AP3S1: variants seen among roughly 807,000 people sequenced by gnomAD.
AP3S1 encodes adaptor related protein complex 3 subunit sigma 1.
AP3S1 carries 12 observed loss-of-function variants against 21.3 expected under a neutral mutation model. The ratio of observed to expected loss-of-function variants is 0.56; its 90% CI spans 0.36 to 0.91. The LOEUF (loss-of-function observed/expected upper bound fraction) is 0.91, where lower values mean the gene tolerates loss of function less well. AP3S1 is among the 40% of genes least tolerant of loss of function. The pLI, the probability that AP3S1 is intolerant of heterozygous loss-of-function variation, is 0.01. For missense variants in AP3S1, 116 were observed against 225.0 expected (o/e 0.52, Z 3.10); for synonymous variants, 48 against 78.4 (o/e 0.61, Z 2.05).
chr5:115,857,324 G>A (rs116034404), intron 1 of AP3S1, among the ~76,000 whole-genome samples: 1,704 of 152,220 alleles, frequency 0.011, 13 homozygotes, highest in Middle Eastern at 0.017. Flanking sequence ...GTATGTACAC[G>A]TATGTATAAA....
At chr5:115,865,500 GGAGA>G (rs1277113666) in intron 1 of AP3S1, among the ~76,000 whole-genome samples, 1 of 152,156 alleles carries the variant, frequency 6.6e-6, no homozygotes, top group African/African-American at 2.4e-5. Context: ...TTAGTATCTA[GGAGA>G]GAAAGTGCTG....
intron 5 of AP3S1, among the ~76,000 whole-genome samples, chr5:115,909,496 A>G (rs917299349): frequency 3.3e-5 from 5 of 152,216 alleles, no homozygotes; most frequent in Non-Finnish European, 7.4e-5. Context: ...GAGAGAAAAC[A>G]TGATCATTCT....
intron 1 of AP3S1, among the ~76,000 whole-genome samples, chr5:115,861,025 T>C (rs1561482353): frequency 1.3e-5 from 2 of 152,224 alleles, no homozygotes; most frequent in African/African-American, 4.8e-5. Context: ...GCCACTTTGC[T>C]GAGCATTTCA....
At chr5:115,897,688 T>C (rs1004048555) in intron 4 of AP3S1, among the ~76,000 whole-genome samples, 5 of 151,928 alleles carry the variant, frequency 3.3e-5, no homozygotes, top group East Asian at 1.9e-4. Flanking sequence ...GCCTCCCGAG[T>C]AGCTGGGACT....
chr5:115,904,854 T>G (rs1455939914), intron 5 of AP3S1, among the ~76,000 whole-genome samples: 1 of 152,226 alleles, frequency 6.6e-6, no homozygotes, highest in East Asian at 1.9e-4. Context: ...GGACAAACAG[T>G]GATGCAATCC....
At chr5:115,844,709 C>T (rs975595231) in intron 1 of AP3S1, among the ~76,000 whole-genome samples, 1 of 152,160 alleles carries the variant, frequency 6.6e-6, no homozygotes, top group African/African-American at 2.4e-5. Flanking sequence ...AATTCAACCC[C>T]TTGTTCTAGG....
Position 115,879,569 on chromosome 5 carries a change from G to A in AP3S1, c.273+9441G>A, listed in dbSNP as rs541179854. Among the ~76,000 whole-genome samples, 28 of 152,264 alleles carry A rather than the reference G, an allele frequency of 1.8e-4. No homozygotes were observed. The South Asian group carries it at 5.8e-3, about 32-fold the overall frequency. ...AAGCCGACTTGATTGTGTTGGATAA[G>A]CTTTTTGATGTGCTGCTAGATTCGG... is the stretch of plus-strand genomic sequence containing the variant. On this transcript the variant is annotated intron_variant, in intron 3 of 5. Transcript: ENST00000316788.
intron 3 of AP3S1, among the ~76,000 whole-genome samples, chr5:115,873,478 C>G (rs533719571): frequency 1.3e-4 from 20 of 152,116 alleles, no homozygotes; most frequent in African/African-American, 4.8e-4. Flanking sequence ...TGTATTGTGT[C>G]ACAAAAAAGA....
chr5:115,912,651 C>A (rs1752196272), intron 5 of AP3S1, among the ~76,000 whole-genome samples: 2 of 151,930 alleles, frequency 1.3e-5, no homozygotes, highest in Non-Finnish European at 1.5e-5. Context: ...ATATATGTTG[C>A]TGAATCTATG....
chr5:115,842,777 A>G (rs1433818605), intron 1 of AP3S1, among the ~76,000 whole-genome samples: 1 of 152,208 alleles, frequency 6.6e-6, no homozygotes, highest in Non-Finnish European at 1.5e-5. Flanking sequence ...TGAGGACCTA[A>G]TATTTTTATC....
chr5:115,876,507 A>C (rs1316028728), intron 3 of AP3S1, among the ~76,000 whole-genome samples: 1 of 152,164 alleles, frequency 6.6e-6, no homozygotes, highest in African/African-American at 2.4e-5. Flanking sequence ...GACTCCCCAA[A>C]TTTAACATTA....
At chr5:115,894,857 C>A (rs1220135237) in intron 3 of AP3S1, among the ~76,000 whole-genome samples, 7 of 151,830 alleles carry the variant, frequency 4.6e-5, no homozygotes, top group Admixed American at 4.6e-4. Context: ...TAGTCCTTTT[C>A]AAAAAAAGTT....
At chr5:115,905,726 A>G (rs1751592662) in intron 5 of AP3S1, among the ~76,000 whole-genome samples, 1 of 152,208 alleles carries the variant, frequency 6.6e-6, no homozygotes, top group Admixed American at 6.5e-5. Context: ...TTTCATGTCC[A>G]TGTTACTTCA....
At chr5:115,860,762 TTTAC>T (rs1763114871) in intron 1 of AP3S1, among the ~76,000 whole-genome samples, 1 of 152,202 alleles carries the variant, frequency 6.6e-6, no homozygotes, top group Non-Finnish European at 1.5e-5. Flanking sequence ...TGTTTATGCC[TTTAC>T]CAAAAAAGCC....
chr5:115,869,779 G>T (rs546189210), intron 2 of AP3S1, among the ~76,000 whole-genome samples: 86 of 152,302 alleles, frequency 5.6e-4, no homozygotes, highest in African/African-American at 2.1e-3. Flanking sequence ...GTTACTCAGA[G>T]AATAGTTTAA....
At chr5:115,861,585 T>G (rs1459707653) in intron 1 of AP3S1, among the ~76,000 whole-genome samples, 1 of 152,118 alleles carries the variant, frequency 6.6e-6, no homozygotes, top group Non-Finnish European at 1.5e-5. Context: ...GGCAGGGTCT[T>G]GCTCTGTCAT....
At chr5:115,900,839 A>T (rs899915091) in intron 4 of AP3S1, among the ~76,000 whole-genome samples, 2 of 152,172 alleles carry the variant, frequency 1.3e-5, no homozygotes, top group Admixed American at 6.5e-5. Flanking sequence ...CTGGATCTTG[A>T]TATGATATTA....
intron 4 of AP3S1, among the ~76,000 whole-genome samples, chr5:115,896,257 G>T (rs1038808699): frequency 6.6e-6 from 1 of 152,256 alleles, no homozygotes; most frequent in Middle Eastern, 3.4e-3. Context: ...ATTTGTGAAT[G>T]TCAAAAAAAT....
chr5:115,879,539 G>A lies in AP3S1; in HGVS notation c.273+9411G>A, dbSNP rs149542829. 5.1e-3 allele frequency among the ~76,000 whole-genome samples: 771 copies of A among 152,212 alleles called. 2 individuals are homozygous for A. Among genetic ancestry groups the A allele is most frequent in the South Asian group, 7.3e-3 (35 of 4,822 alleles). On this transcript the variant is annotated intron_variant, in intron 3 of 5. Coordinates refer to ENST00000316788, the MANE Select transcript of AP3S1 (RefSeq NM_001284.4). The stretch of plus-strand genomic sequence containing the variant: ...ATGTTAAACCAGCCTTGCATCCCAG[G>A]GATGAAGCCGACTTGATTGTGTTGG...
Sources: allele counts gnomAD v4.1 joint callset (sites outside exome capture counted in the v4.1 genomes callset), GRCh38; gene constraint gnomAD v4.1.1; transcripts MANE v1.5; gene names NCBI Gene and HGNC (gene_info 2026-07-23, HGNC 2026-07-21).